Variants in MAP3K4 observed in about 807,000 individuals in gnomAD.
MAP3K4 encodes mitogen-activated protein kinase kinase kinase 4.
A neutral mutation model predicts 185.6 loss-of-function variants in MAP3K4; 67 were observed. That is an observed-to-expected ratio of 0.36 (90% CI 0.30 to 0.44). The LOEUF (loss-of-function observed/expected upper bound fraction) is 0.44. MAP3K4 is among the 20% of genes least tolerant of loss of function. The pLI, the probability that MAP3K4 is intolerant of heterozygous loss-of-function variation, is 1.00. For missense variants in MAP3K4, 1,551 were observed against 1,995.1 expected (o/e 0.78, Z 4.24); for synonymous variants, 702 against 710.4 (o/e 0.99, Z 0.19).
intron 15 of MAP3K4, among the ~76,000 whole-genome samples, chr6:161,095,353 G>A (rs1482379388): frequency 6.6e-6 from 1 of 152,134 alleles, no homozygotes; most frequent in African/African-American, 2.4e-5. Flanking sequence ...TGTTCCATAC[G>A]CAACAGGGGT....
Position 161,034,487 on chromosome 6 carries a change from G to C in MAP3K4, c.343+38G>C. On this transcript the variant is annotated intron_variant, in intron 2 of 26. Coordinates refer to ENST00000392142, the MANE Select transcript of MAP3K4 (RefSeq NM_005922.4). This position sits in a 1 kb window ranked among gnomAD's most constrained non-coding sequence, Gnocchi z 4.4. ...CTTGAAAAGAGGTGTACATGAGAGG[G>C]TATGGCACTTGATTGATTCTTTCAA... 1.4e-6 allele frequency: 2 copies of C among 1,478,982 alleles called. No individual in the cohort carries two copies. Among genetic ancestry groups the C allele is most frequent in the Non-Finnish European group, 1.9e-6 (2 of 1,079,002 alleles). The allele number at this position is 1,478,982 out of a possible 1,614,324, so 91.6% of individuals were successfully genotyped here. A position where few individuals can be genotyped will look rare whatever the true frequency, so the allele number is the denominator to read the frequency against.
At position 161,108,980 on chromosome 6, in the gene MAP3K4, A is replaced by ACT. The variant is rs1222377435; in HGVS notation, c.4236+121_4236+122insCT. The ACT allele has an allele frequency of 6.2e-7, 1 of 1,607,324 alleles. No homozygotes were observed. Among genetic ancestry groups the ACT allele is most frequent in the African/African-American group, 1.3e-5 (1 of 74,884 alleles). On this transcript the variant is annotated intron_variant, in intron 22 of 26. Transcript: ENST00000392142. This position sits in a 1 kb window ranked among gnomAD's most constrained non-coding sequence, Gnocchi z 5.7. ...CAGTAACTTTGCCTAATTCTCAGGA[A>ACT]ATCTCCATGAGTTACATCATTTCTG... is the stretch of plus-strand genomic sequence containing the variant.
At chr6:161,092,661 C>G (rs1777379334) in intron 13 of MAP3K4, among the ~76,000 whole-genome samples, 1 of 146,696 alleles carries the variant, frequency 6.8e-6, no homozygotes. Flanking sequence ...ATCTGAGATT[C>G]AAAGTAGGAA....
Position 160,992,009 on chromosome 6 carries a change from G to A in MAP3K4, c.78G>A (p.Pro26=), listed in dbSNP as rs78823261. The part of the protein sequence containing the change: ...VTPAAAMEEP[P]PPPPPPPPPP... Reference sequence around the variant, plus strand: ...CTGCCGCCGCCATGGAGGAGCCGCCGCCACCGCCGCCGCCGCCACCACCGC... The same window carrying A: ...CTGCCGCCGCCATGGAGGAGCCGCCACCACCGCCGCCGCCGCCACCACCGC... Residue 26 remains proline, a synonymous_variant, in exon 1 of 27, where the codon CCG becomes CCA. Transcript: ENST00000392142. 1.6e-3 allele frequency: 2,370 copies of A among 1,504,530 alleles called. 32 individuals carry two copies. In the African/African-American group the frequency reaches 0.028, roughly 18 times the overall value. The allele number at this position is 1,504,530 out of a possible 1,614,324, so 93.2% of individuals were successfully genotyped here.
chr6:161,102,800 G>C (rs768209140), intron 19 of MAP3K4, 21 bp downstream of exon 19: 3 of 453,826 alleles, frequency 6.6e-6, no homozygotes, highest in Non-Finnish European at 1.1e-5. Flanking sequence ...GAGTGTTGAA[G>C]TTAAAAAAAA....
chr6:161,004,298 C>T (rs558143926), intron 1 of MAP3K4, among the ~76,000 whole-genome samples: 43 of 152,186 alleles, frequency 2.8e-4, no homozygotes, highest in Admixed American at 2.5e-3. Flanking sequence ...AGCACCAGGA[C>T]TCTGATAAAT....
chr6:161,064,655 G>A lies in MAP3K4; in HGVS notation c.1708-5953G>A, dbSNP rs1784622673. Among the ~76,000 whole-genome samples the A allele has an allele frequency of 6.6e-6, 1 of 151,756 alleles. No individual in the cohort carries two copies. The highest frequency in any genetic ancestry group is 2.4e-5 in the African/African-American group (1 of 41,286). ...TTTGCACATTACTTTCTTCCACATGGGCTTTATTATGGATTTGTCAAATCC... is the reference window on the plus strand; with the variant it reads ...TTTGCACATTACTTTCTTCCACATGAGCTTTATTATGGATTTGTCAAATCC... On this transcript the variant is annotated intron_variant, in intron 3 of 26. Transcript: ENST00000392142. The surrounding 1 kb of genome is among the most constrained non-coding windows in gnomAD (Gnocchi z 4.3).
intron 1 of MAP3K4, among the ~76,000 whole-genome samples, chr6:161,024,160 T>G (rs1478169699): frequency 1.3e-5 from 2 of 152,066 alleles, no homozygotes; most frequent in Non-Finnish European, 2.9e-5. Flanking sequence ...CAGAGATTTG[T>G]GTCTCACGAT....
At chr6:161,001,052 GTATATAA>G (rs1562472366) in intron 1 of MAP3K4, among the ~76,000 whole-genome samples, 1 of 14,550 alleles carries the variant, frequency 6.9e-5, no homozygotes, top group African/African-American at 4.2e-4. Context: ...ATACACATAT[GTATATAA>G]TATATATTAT....
intron 1 of MAP3K4, among the ~76,000 whole-genome samples, chr6:161,031,656 A>G (rs1782935344): frequency 6.6e-6 from 1 of 152,162 alleles, no homozygotes; most frequent in Non-Finnish European, 1.5e-5. Flanking sequence ...CATCATCCAC[A>G]CAGTACTGCT....
At position 161,114,414 on chromosome 6, in the gene MAP3K4, C is replaced by G. The variant is rs1179488735; in HGVS notation, c.4627-709C>G. Among the ~76,000 whole-genome samples, 6 of 152,172 alleles carry G rather than the reference C, an allele frequency of 3.9e-5. No homozygotes were observed. The highest frequency in any genetic ancestry group is 1.4e-4 in the African/African-American group (6 of 41,440). On this transcript the variant is annotated intron_variant, in intron 25 of 26. Transcript: ENST00000392142. The surrounding 1 kb of genome is among the most constrained non-coding windows in gnomAD (Gnocchi z 4.3). Reference sequence around the variant, plus strand: ...AGGAAATCAGTTAATTATAATGTAGCTATGCCTTGCAGCTGCTGAAACAGA... The same window carrying G: ...AGGAAATCAGTTAATTATAATGTAGGTATGCCTTGCAGCTGCTGAAACAGA...
chr6:161,102,821 A>AC, intron 19 of MAP3K4, 42 bp downstream of exon 19: 1 of 1,331,018 alleles, frequency 7.5e-7, no homozygotes, highest in Admixed American at 2.5e-5. Flanking sequence ...AAAAAAAAAA[A>AC]AAACACGATT....
intron 1 of MAP3K4, among the ~76,000 whole-genome samples, chr6:160,997,358 T>G (rs1276172493): frequency 1.3e-5 from 2 of 152,182 alleles, no homozygotes; most frequent in Non-Finnish European, 2.9e-5. Context: ...AATATTGTGT[T>G]CAAAAAGGAT....
rs1778120788 is a variant in MAP3K4 at position 161,107,174 on chromosome 6, T to C, written c.4048+469T>C. The stretch of plus-strand genomic sequence containing the variant: ...CTCATTAATTAATTTCCAGGTGGAA[T>C]TGCTTCATGTAAAATAGTCGTAAAT... On this transcript the variant is annotated intron_variant, in intron 20 of 26. Coordinates refer to ENST00000392142, the MANE Select transcript of MAP3K4 (RefSeq NM_005922.4). This position sits in a 1 kb window ranked among gnomAD's most constrained non-coding sequence, Gnocchi z 6.2. Among the ~76,000 whole-genome samples the C allele has an allele frequency of 6.6e-6, 1 of 152,162 alleles. No homozygotes were observed. Among genetic ancestry groups the C allele is most frequent in the Non-Finnish European group, 1.5e-5 (1 of 68,040 alleles).
Position 161,103,999 on chromosome 6 carries a change from C to T in MAP3K4, c.3856+1220C>T, listed in dbSNP as rs1191687431. On this transcript the variant is annotated intron_variant, in intron 19 of 26. Transcript: ENST00000392142. The surrounding 1 kb of genome is among the most constrained non-coding windows in gnomAD (Gnocchi z 4.6). ...TCTTCAGTGGCTCACATGTAATCAGCAGTTCCCACGGATACCAGGTCTTTG... is the reference window on the plus strand; with the variant it reads ...TCTTCAGTGGCTCACATGTAATCAGTAGTTCCCACGGATACCAGGTCTTTG... Among the ~76,000 whole-genome samples, 1 of 152,162 alleles carries T rather than the reference C, an allele frequency of 6.6e-6. No individual in the cohort carries two copies. The highest frequency in any genetic ancestry group is 1.5e-5 in the Non-Finnish European group (1 of 68,042).
rs1288949965 is a variant in MAP3K4 at position 161,076,209 on chromosome 6, T to G, written c.2097+2597T>G. On this transcript the variant is annotated intron_variant, in intron 5 of 26. Transcript: ENST00000392142. This position sits in a 1 kb window ranked among gnomAD's most constrained non-coding sequence, Gnocchi z 4.2. ...GCCCACCCAGAGATTAACTAGAGCCTTGATATCTAGGGGTGTGACAGCCAT... is the reference window on the plus strand; with the variant it reads ...GCCCACCCAGAGATTAACTAGAGCCGTGATATCTAGGGGTGTGACAGCCAT... 6.6e-6 allele frequency among the ~76,000 whole-genome samples: 1 copy of G among 152,226 alleles called. No homozygotes were observed. The highest frequency in any genetic ancestry group is 2.4e-5 in the African/African-American group (1 of 41,460).
chr6:161,018,891 C>T (rs536795178), intron 1 of MAP3K4, among the ~76,000 whole-genome samples: 11 of 152,214 alleles, frequency 7.2e-5, no homozygotes, highest in Admixed American at 2.0e-4. Flanking sequence ...ATGAAAAATA[C>T]GTTACGTGAA....
Position 161,048,890 on chromosome 6 carries a change from A to G in MAP3K4, c.618A>G (p.Ile206Met). ...TTCCAGTATCTGTGCCCATGCCTATAGCCAGACCTGCACGCCAGACTTCTA... is the reference window on the plus strand; with the variant it reads ...TTCCAGTATCTGTGCCCATGCCTATGGCCAGACCTGCACGCCAGACTTCTA... ...AKLPVSVPMP[I>M]ARPARQTSRT... is the part of the protein sequence containing the mutation. Residue 206 changes from isoleucine (I) to methionine (M), a missense_variant, in exon 3 of 27, where the codon ATA becomes ATG. Ile to Met is a conservative substitution (Grantham distance 10, BLOSUM62 1). Transcript: ENST00000392142. This position sits in a 1 kb window ranked among gnomAD's most constrained non-coding sequence, Gnocchi z 4.7. 4 of 1,614,198 alleles carry G rather than the reference A, an allele frequency of 2.5e-6. No individual in the cohort carries two copies. The highest frequency in any genetic ancestry group is 3.4e-6 in the Non-Finnish European group (4 of 1,180,028).
At position 161,061,469 on chromosome 6, in the gene MAP3K4, A is replaced by T. The variant is rs1471347401; in HGVS notation, c.1708-9139A>T. Among the ~76,000 whole-genome samples, 1 of 152,234 alleles carries T rather than the reference A, an allele frequency of 6.6e-6. No individual in the cohort carries two copies. The highest frequency in any genetic ancestry group is 2.4e-5 in the African/African-American group (1 of 41,466). ...AGCTTTATTGAGATATAATTCACTT[A>T]GCATAAAATTCACCATTTAAAGTGT... On this transcript the variant is annotated intron_variant, in intron 3 of 26. Coordinates refer to ENST00000392142, the MANE Select transcript of MAP3K4 (RefSeq NM_005922.4). The surrounding 1 kb of genome is among the most constrained non-coding windows in gnomAD (Gnocchi z 4.2).
Sources: gnomAD v4.1 joint callset for allele counts (sites outside exome capture counted in the v4.1 genomes callset) on GRCh38, gnomAD v4.1.1 for gene constraint, Gnocchi (gnomAD v3.1) non-coding constraint, MANE v1.5 for transcripts, NCBI Gene and HGNC (gene_info 2026-07-23, HGNC 2026-07-21) for gene names.